The following KLHL11 variants were observed in gnomAD, a reference collection of about 807,000 sequenced individuals.
KLHL11 encodes kelch-like protein 11.
KLHL11 carries 26 observed loss-of-function variants against 56.1 expected under a neutral mutation model. The ratio of observed to expected loss-of-function variants is 0.46; its 90% CI spans 0.34 to 0.64. The LOEUF is 0.64. KLHL11 is among the 30% of genes least tolerant of loss of function. The probability of loss-of-function intolerance (pLI) is 0.01; values close to 1 mark genes in which losing one functional copy is unlikely to be tolerated. For missense variants in KLHL11, 627 were observed against 919.4 expected (o/e 0.68, Z 4.11); for synonymous variants, 338 against 345.8 (o/e 0.98, Z 0.25).
chr17:41,864,566 T>C (rs1187538545), intron 1 of KLHL11, among the ~76,000 whole-genome samples: 1 of 152,270 alleles, frequency 6.6e-6, no homozygotes, highest in African/African-American at 2.4e-5. Flanking sequence ...TACCACATAC[T>C]GACTTTCCTT....
rs1180143908 is a variant in KLHL11, at chr17:41,850,096, C to CTTAG, written c.*3640_*3643dup. The stretch of plus-strand genomic sequence containing the variant: ...AGCTATTTTAGGCCTGATCCTTGTA[C>CTTAG]TTAGAACCTTTCCAAATACTCTGGG... On this transcript the variant is annotated 3_prime_UTR_variant, in exon 2 of 2. Transcript: ENST00000319121. The CTTAG allele has an allele frequency of 6.6e-6, 1 of 152,132 alleles. No homozygotes were observed. Among genetic ancestry groups the CTTAG allele is most frequent in the Non-Finnish European group, 1.5e-5 (1 of 68,010 alleles). 9.4% of individuals were successfully genotyped at this position (152,132 alleles called of 1,614,324 possible).
rs2048396221 is a variant in KLHL11, at chr17:41,860,496, G to A, written c.545+4330C>T. On this transcript the variant is annotated intron_variant, in intron 1 of 1. Transcript: ENST00000319121. The stretch of plus-strand genomic sequence containing the variant: ...GAACAGTGCCTGACAAAAGCCATTG[G>A]CTTAGCTGCTGACAGATGGAGAGAA... Among the ~76,000 whole-genome samples, 3 of 152,120 alleles carry A rather than the reference G, an allele frequency of 2.0e-5. No homozygotes were observed. In the South Asian group the frequency reaches 6.2e-4, roughly 32 times the overall value.
chr17:41,861,727 C>A (rs1044432133), intron 1 of KLHL11, among the ~76,000 whole-genome samples: 27 of 150,160 alleles, frequency 1.8e-4, no homozygotes, highest in African/African-American at 6.6e-4. Context: ...TCAGCTGTGA[C>A]CCCTTTATGA....
Position 41,865,064 on chromosome 17 carries a change from C to A in KLHL11, c.307G>T (p.Ala103Ser). 6.3e-7 allele frequency: 1 copy of A among 1,593,544 alleles called. No homozygotes were observed. The highest frequency in any genetic ancestry group is 8.6e-7 in the Non-Finnish European group (1 of 1,167,838). ...TGGGCCCGGAACTCGCGGCCTCCAG[C>A]CCCGCCGAAGCACAGGGTAATGTCG... ...FCDITLCFGG[A>S]GGREFRAHRS... Residue 103 changes from alanine to serine, a missense_variant, in exon 1 of 2, where the codon GCT becomes TCT. Transcript: ENST00000319121.
rs2048353377 is a variant in KLHL11, at chr17:41,854,531, A to T, written c.1336T>A (p.Phe446Ile). ...VCSLMTRKHS[F>I]GLTEVKGKLY... ...TTCCCTTTGACTTCTGTTAGTCCAAAAGAATGCTTTCTTGTCATCAGACTA... is the reference window on the plus strand; with the variant it reads ...TTCCCTTTGACTTCTGTTAGTCCAATAGAATGCTTTCTTGTCATCAGACTA... The change falls in exon 2 of 2, where the codon TTT (phenylalanine) becomes ATT (isoleucine). Residue 446 changes from phenylalanine to isoleucine, a missense_variant. By Grantham distance (21) the Phe-to-Ile change is conservative. Coordinates refer to ENST00000319121, the MANE Select transcript of KLHL11 (RefSeq NM_018143.3). This position sits in a 1 kb window ranked among gnomAD's most constrained non-coding sequence, Gnocchi z 4.9. 6.2e-7 allele frequency: 1 copy of T among 1,614,098 alleles called. No individual in the cohort carries two copies. The highest frequency in any genetic ancestry group is 1.3e-5 in the African/African-American group (1 of 74,928).
Position 41,854,360 on chromosome 17 carries a change from A to C in KLHL11, c.1507T>G (p.Phe503Val). ...DVKALAIEDR[F>V]VYIAARTPVD... ...GGAGTGCGGGCGGCAATGTATACAA[A>C]CCGGTCTTCAATGGCTAGTGCTTTG... The change falls in exon 2 of 2, where the codon TTT (phenylalanine) becomes GTT (valine). Residue 503 changes from phenylalanine to valine, a missense_variant. Around this residue, in one of 4 missense-constraint regions of KLHL11, gnomAD observed 250 missense variants for 360.6 expected, o/e 0.69. Coordinates refer to ENST00000319121, the MANE Select transcript of KLHL11 (RefSeq NM_018143.3). The surrounding 1 kb of genome is among the most constrained non-coding windows in gnomAD (Gnocchi z 4.9). 1 of 1,614,116 alleles carries C rather than the reference A, an allele frequency of 6.2e-7. No homozygotes were observed. Among genetic ancestry groups the C allele is most frequent in the African/African-American group, 1.3e-5 (1 of 75,026 alleles).
rs79313880 is a variant in KLHL11, at chr17:41,853,698, C to T, written c.*42G>A. ...AACAGCCTGGGTATCTTCAGCTTCA[C>T]GAAACGGGTGTAACAGTTTTAATCG... On this transcript the variant is annotated 3_prime_UTR_variant, in exon 2 of 2. Transcript: ENST00000319121. 0.041 allele frequency: 63,120 copies of T among 1,548,972 alleles called. 1,516 individuals are homozygous for T. Among genetic ancestry groups the T allele is most frequent in the East Asian group, 0.1 (4,493 of 44,174 alleles).
rs142972305 is a variant in KLHL11 at position 41,853,775 on chromosome 17, T to C, written c.2092A>G (p.Met698Val). ...MQEIHRHALN[M>V]RRVPSSQIEC ...ATCTGAGAGCTTGGCACTCGCCTCATGTTCAGGGCGTGACGATGTATCTCT... is the reference window on the plus strand; with the variant it reads ...ATCTGAGAGCTTGGCACTCGCCTCACGTTCAGGGCGTGACGATGTATCTCT... The change falls in exon 2 of 2, where the codon ATG (methionine) becomes GTG (valine). Residue 698 changes from methionine (M) to valine (V), a missense_variant. Physicochemically the swap from Met to Val is conservative, Grantham distance 21 (BLOSUM62 1). This residue lies in a region of KLHL11 where 250 missense variants were observed against 360.6 expected (regional missense o/e 0.69). Transcript: ENST00000319121. The C allele has an allele frequency of 8.7e-6, 14 of 1,613,724 alleles. No individual in the cohort carries two copies. Among genetic ancestry groups the C allele is most frequent in the African/African-American group, 2.7e-5 (2 of 75,058 alleles).
At chr17:41,862,873 T>C (rs1162038128) in intron 1 of KLHL11, among the ~76,000 whole-genome samples, 4 of 152,098 alleles carry the variant, frequency 2.6e-5, no homozygotes, top group Non-Finnish European at 5.9e-5. Context: ...TTCCCAGGGA[T>C]CTCCTTAACC....
intron 1 of KLHL11, among the ~76,000 whole-genome samples, chr17:41,860,345 C>G (rs1555622960): frequency 7.8e-6 from 1 of 128,138 alleles, no homozygotes; most frequent in African/African-American, 3.0e-5. Context: ...CTGATCCTTA[C>G]AAATGCCCAG....
intron 1 of KLHL11, among the ~76,000 whole-genome samples, chr17:41,864,213 T>A (rs1397195886): frequency 1.3e-5 from 2 of 152,250 alleles, no homozygotes; most frequent in African/African-American, 4.8e-5. Flanking sequence ...ACAATCCGTT[T>A]AACACAGTGG....
chr17:41,856,451 C>G (rs1201769508), intron 1 of KLHL11, among the ~76,000 whole-genome samples: 1 of 152,130 alleles, frequency 6.6e-6, no homozygotes, highest in African/African-American at 2.4e-5. Context: ...CCTATGGTCA[C>G]ATTTCGAGAG....
chr17:41,862,908 T>C, intron 1 of KLHL11, among the ~76,000 whole-genome samples: 1 of 152,166 alleles, frequency 6.6e-6, no homozygotes, highest in East Asian at 1.9e-4. Context: ...CTGATCTTAC[T>C]CCCAAACAGG....
chr17:41,856,913 G>A (rs1451838772), intron 1 of KLHL11, among the ~76,000 whole-genome samples: 1 of 151,590 alleles, frequency 6.6e-6, no homozygotes, highest in Non-Finnish European at 1.5e-5. Context: ...CCAGCTACTC[G>A]GGAGGCTGAG....
Position 41,853,546 on chromosome 17 carries a change from T to C in KLHL11, c.*194A>G, listed in dbSNP as rs2048343652. 3.6e-6 allele frequency: 2 copies of C among 558,846 alleles called. No individual in the cohort carries two copies. The highest frequency in any genetic ancestry group is 7.9e-5 in the South Asian group (2 of 25,290). 34.6% of individuals were successfully genotyped at this position (558,846 alleles called of 1,614,324 possible). On this transcript the variant is annotated 3_prime_UTR_variant, in exon 2 of 2. Coordinates refer to ENST00000319121, the MANE Select transcript of KLHL11 (RefSeq NM_018143.3). Reference sequence around the variant, plus strand: ...AAACAAACAAACCAAAGACAAAAATTGCAAGCTAACAAAATGACCATGTAT... The same window carrying C: ...AAACAAACAAACCAAAGACAAAAATCGCAAGCTAACAAAATGACCATGTAT...
Position 41,865,092 on chromosome 17 carries a change from G to A in KLHL11, c.279C>T (p.Phe93=). 1.2e-6 allele frequency: 2 copies of A among 1,602,992 alleles called. No individual in the cohort carries two copies. Among genetic ancestry groups the A allele is most frequent in the Non-Finnish European group, 1.7e-6 (2 of 1,173,594 alleles). ...RQNEQRRQGL[F]CDITLCFGGA... ...CGCCGAAGCACAGGGTAATGTCGCA[G>A]AAGAGGCCCTGGCGCCGCTGCTCGT... The change falls in exon 1 of 2, where the codon TTC becomes TTT. Residue 93 remains phenylalanine, a synonymous_variant. Transcript: ENST00000319121.
intron 1 of KLHL11, among the ~76,000 whole-genome samples, chr17:41,855,992 CA>C (rs1172790734): frequency 2.0e-5 from 3 of 150,054 alleles, no homozygotes; most frequent in Non-Finnish European, 3.0e-5. Context: ...ATCCCCCCCC[CA>C]AAAAAAAACT....
intron 1 of KLHL11, among the ~76,000 whole-genome samples, chr17:41,863,372 G>A (rs567282225): frequency 2.6e-4 from 40 of 151,854 alleles, no homozygotes; most frequent in Middle Eastern, 3.4e-3. Flanking sequence ...ATTTTTGTAC[G>A]TTTAGTAGAG....
intron 1 of KLHL11, 141 bp from the exon 2 acceptor site, chr17:41,855,462 T>C: frequency 1.6e-6 from 1 of 608,610 alleles, no homozygotes; most frequent in Non-Finnish European, 2.8e-6. Context: ...CACTGCAACC[T>C]CTACCTCCTG....
Sources: gnomAD v4.1 joint callset for allele counts (sites outside exome capture counted in the v4.1 genomes callset) on GRCh38, gnomAD v4.1.1 for gene constraint, gnomAD v4.1.1 regional missense constraint, Gnocchi (gnomAD v3.1) non-coding constraint, MANE v1.5 for transcripts, NCBI Gene and HGNC (gene_info 2026-07-23, HGNC 2026-07-21) for gene names.